PRKG1: variants seen among roughly 807,000 people sequenced by gnomAD.
PRKG1 encodes protein kinase cGMP-dependent 1.
PRKG1 carries 35 observed loss-of-function variants against 88.1 expected under a neutral mutation model. The observed-to-expected ratio is 0.40, with a 90% CI of 0.30 to 0.53. PRKG1 has a LOEUF of 0.53. Ranked by LOEUF, PRKG1 falls within the 20% of genes least tolerant of loss-of-function variation. The pLI, the probability that PRKG1 is intolerant of heterozygous loss-of-function variation, is 0.59. For missense variants in PRKG1, 540 were observed against 839.8 expected (o/e 0.64, Z 4.41); for synonymous variants, 303 against 292.5 (o/e 1.04, Z -0.37).
intron 2 of PRKG1, among the ~76,000 whole-genome samples, chr10:51,413,246 C>T (rs1326121604): frequency 1.3e-5 from 2 of 151,850 alleles, no homozygotes; most frequent in Non-Finnish European, 2.9e-5. Flanking sequence ...TTATTTCTTT[C>T]TTTTTAAAAT....
chr10:52,002,730 T>A (rs1844631115), intron 5 of PRKG1, among the ~76,000 whole-genome samples: 1 of 152,190 alleles, frequency 6.6e-6, no homozygotes, highest in Non-Finnish European at 1.5e-5. Flanking sequence ...CATCAAGATA[T>A]AAATGTTAAC....
chr10:51,881,482 A>G (rs572931906), intron 4 of PRKG1, among the ~76,000 whole-genome samples: 6 of 152,300 alleles, frequency 3.9e-5, no homozygotes, highest in African/African-American at 1.4e-4. Flanking sequence ...GGCTTCTTCC[A>G]CATGATCTTT....
At position 51,279,144 on chromosome 10, in the gene PRKG1, G is replaced by T. The variant is rs559332882; in HGVS notation, c.478+125814G>T. ...GCTTTAAATGTGCCCCAGAGATTCTGGTATGTTGTGTCTTTGTTCTCATTG... is the reference window on the plus strand; with the variant it reads ...GCTTTAAATGTGCCCCAGAGATTCTTGTATGTTGTGTCTTTGTTCTCATTG... On this transcript the variant is annotated intron_variant, in intron 2 of 17. Coordinates refer to ENST00000373980, the MANE Select transcript of PRKG1 (RefSeq NM_006258.4). Among the ~76,000 whole-genome samples the T allele has an allele frequency of 7.0e-4, 106 of 152,210 alleles. 2 individuals carry two copies. Among genetic ancestry groups the T allele is most frequent in the South Asian group, 3.1e-3 (15 of 4,824 alleles).
At position 51,597,572 on chromosome 10, in the gene PRKG1, C is replaced by T. The variant is rs544689825; in HGVS notation, c.592+129736C>T. Among the ~76,000 whole-genome samples, 27 of 152,212 alleles carry T rather than the reference C, an allele frequency of 1.8e-4. No individual in the cohort carries two copies. The South Asian group carries it at 4.4e-3, about 25-fold the overall frequency. ...CACATTGAATGAAGCTTCTGGTTAG[C>T]GGGTTGCTCATTTGTCAGTTTTTCC... On this transcript the variant is annotated intron_variant, in intron 3 of 17. Transcript: ENST00000373980.
intron 5 of PRKG1, among the ~76,000 whole-genome samples, chr10:52,041,715 C>T (rs1337487456): frequency 2.0e-5 from 3 of 151,886 alleles, no homozygotes; most frequent in Non-Finnish European, 4.4e-5. Flanking sequence ...TTGTATGTGT[C>T]CAGGAATTTA....
chr10:51,248,597 A>AT (rs1190953724), intron 2 of PRKG1, among the ~76,000 whole-genome samples: 1 of 151,754 alleles, frequency 6.6e-6, no homozygotes, highest in Non-Finnish European at 1.5e-5. Context: ...CATTCTCTTA[A>AT]TTTTTATGAT....
At chr10:51,721,402 G>A (rs1037877357) in intron 3 of PRKG1, among the ~76,000 whole-genome samples, 5 of 152,184 alleles carry the variant, frequency 3.3e-5, no homozygotes, top group Non-Finnish European at 4.4e-5. Context: ...CAGGAACTAC[G>A]TGGAACCCAG....
chr10:51,889,565 A>T (rs373043423), intron 4 of PRKG1, among the ~76,000 whole-genome samples: 15 of 152,110 alleles, frequency 9.9e-5, no homozygotes, highest in African/African-American at 2.2e-4. Context: ...TCCTTTGGTT[A>T]TATACCTAGT....
At chr10:51,546,585 T>C (rs1297082738) in intron 3 of PRKG1, among the ~76,000 whole-genome samples, 3 of 152,102 alleles carry the variant, frequency 2.0e-5, no homozygotes, top group Non-Finnish European at 4.4e-5. Context: ...TCTTTGATAA[T>C]TTGAACTAAT....
At chr10:51,713,079 G>A (rs1021244728) in intron 3 of PRKG1, among the ~76,000 whole-genome samples, 3 of 151,838 alleles carry the variant, frequency 2.0e-5, no homozygotes, top group Admixed American at 6.6e-5. Context: ...AACTGTCAGC[G>A]GTTTCATTAA....
At chr10:51,919,971 C>A (rs1314962861) in intron 5 of PRKG1, among the ~76,000 whole-genome samples, 2 of 152,116 alleles carry the variant, frequency 1.3e-5, no homozygotes, top group Non-Finnish European at 2.9e-5. Flanking sequence ...TGCATACATG[C>A]TACCCGAGTG....
At chr10:51,007,267 A>T (rs1842951233) in intron 1 of PRKG1, among the ~76,000 whole-genome samples, 1 of 152,086 alleles carries the variant, frequency 6.6e-6, no homozygotes, top group African/African-American at 2.4e-5. Flanking sequence ...CTTAATTTGT[A>T]GTTATCTCTC....
chr10:51,558,408 G>A (rs566137839), intron 3 of PRKG1, among the ~76,000 whole-genome samples: 1 of 151,948 alleles, frequency 6.6e-6, no homozygotes, highest in East Asian at 1.9e-4. Flanking sequence ...GACCATACTT[G>A]GTTAAAAAAA....
At chr10:51,269,640 C>T (rs7078590) in intron 2 of PRKG1, among the ~76,000 whole-genome samples, 24,356 of 152,096 alleles carry the variant, frequency 0.16, 2,094 homozygotes, top group Non-Finnish European at 0.2. Flanking sequence ...CATATATTCT[C>T]ACTTACAAGT....
chr10:52,203,148 T>C (rs996195332), intron 9 of PRKG1, among the ~76,000 whole-genome samples: 2 of 152,118 alleles, frequency 1.3e-5, no homozygotes, highest in African/African-American at 2.4e-5. Context: ...AATGTGGCCA[T>C]TTAGTGCTGT....
At chr10:51,560,202 T>C (rs1056571420) in intron 3 of PRKG1, among the ~76,000 whole-genome samples, 10 of 152,138 alleles carry the variant, frequency 6.6e-5, no homozygotes, top group African/African-American at 1.9e-4. Context: ...TTTTTTCCCT[T>C]ACTCCTGAGT....
At chr10:51,394,550 C>G (rs559272948) in intron 2 of PRKG1, among the ~76,000 whole-genome samples, 5 of 152,320 alleles carry the variant, frequency 3.3e-5, no homozygotes, top group Admixed American at 2.0e-4. Context: ...AACTCCAACT[C>G]CCAATGGAGA....
At chr10:51,637,334 T>C (rs972605452) in intron 3 of PRKG1, among the ~76,000 whole-genome samples, 1 of 152,190 alleles carries the variant, frequency 6.6e-6, no homozygotes, top group African/African-American at 2.4e-5. Context: ...TGTAAATTAG[T>C]TCAGCCATTG....
At chr10:51,445,125 C>T (rs181536799) in intron 2 of PRKG1, among the ~76,000 whole-genome samples, 51 of 151,896 alleles carry the variant, frequency 3.4e-4, no homozygotes, top group Admixed American at 1.1e-3. Flanking sequence ...ATGAATTTTT[C>T]ATTTTATTTA....
Sources: allele counts gnomAD v4.1 joint callset (sites outside exome capture counted in the v4.1 genomes callset), GRCh38; gene constraint gnomAD v4.1.1; transcripts MANE v1.5; gene names NCBI Gene and HGNC (gene_info 2026-07-23, HGNC 2026-07-21).